Variants in MIP observed in about 807,000 individuals in gnomAD.
MIP encodes lens fiber major intrinsic protein.
MIP carries 14 observed loss-of-function variants against 21.8 expected under a neutral mutation model. That is an observed-to-expected ratio of 0.64 (90% CI 0.42 to 1.00). The LOEUF is 1.00. Among genes scored for constraint, MIP ranks in the 50% least tolerant of loss-of-function variants. The probability of loss-of-function intolerance (pLI) is 0.00; values close to 1 mark genes in which losing one functional copy is unlikely to be tolerated. For missense variants in MIP, 260 were observed against 333.5 expected (o/e 0.78, Z 1.72); for synonymous variants, 133 against 141.4 (o/e 0.94, Z 0.42).
In MIP at chr12:56,451,217, G is replaced by A; in HGVS notation, c.*63C>T. 2 of 1,442,736 alleles carry A rather than the reference G, an allele frequency of 1.4e-6. No homozygotes were observed. The highest frequency in any genetic ancestry group is 1.9e-6 in the Non-Finnish European group (2 of 1,026,614). 89.4% of individuals were successfully genotyped at this position (1,442,736 alleles called of 1,614,324 possible). On this transcript the variant is annotated 3_prime_UTR_variant, in exon 4 of 4. Transcript: ENST00000652304. ...CCCACAGTCTCTTTCTTCATCTAGG[G>A]GCTGGCTAAACCCCTCCACGTAAAC...
chr12:56,454,140 A>T (rs1039680616), intron 1 of MIP, 114 bp downstream of exon 1: 4 of 1,417,220 alleles, frequency 2.8e-6, no homozygotes, highest in Non-Finnish European at 4.0e-6. Context: ...ATGCTCACAC[A>T]TGCACATATT....
chr12:56,454,299 A>G lies in MIP; in HGVS notation c.315T>C (p.Tyr105=). The G allele has an allele frequency of 1.2e-6, 2 of 1,614,096 alleles. No homozygotes were observed. Among genetic ancestry groups the G allele is most frequent in the South Asian group, 1.1e-5 (1 of 91,086 alleles). Residue 105 remains tyrosine (Y), a synonymous_variant, in exon 1 of 4, where the codon TAT becomes TAC. Coordinates refer to ENST00000652304, the MANE Select transcript of MIP (RefSeq NM_012064.4). The part of the protein sequence containing the change: ...LGAVAGAAVL[Y]SVTPPAVRGN... The stretch of plus-strand genomic sequence containing the variant: ...CTCGGACAGCAGGTGGGGTAACGCT[A>G]TACAGCACAGCGGCCCCAGCCACAG...
chr12:56,454,174 T>C, intron 1 of MIP, 80 bp downstream of exon 1: 1 of 1,589,436 alleles, frequency 6.3e-7, no homozygotes, highest in Non-Finnish European at 8.6e-7. Context: ...GGGGAGCTGA[T>C]TCACCTGCAC....
In MIP at chr12:56,453,711, G is replaced by A. The variant is rs763205573; in HGVS notation, c.405C>T (p.Ile135=). The A allele has an allele frequency of 1.2e-6, 2 of 1,614,172 alleles. No individual in the cohort carries two copies. The highest frequency in any genetic ancestry group is 1.7e-5 in the Admixed American group (1 of 60,020). Residue 135 remains isoleucine (I), a synonymous_variant, in exon 2 of 4, where the codon ATC becomes ATT. Coordinates refer to ENST00000652304, the MANE Select transcript of MIP (RefSeq NM_012064.4). ...VSVGQATTVE[I]FLTLQFVLCI... Reference sequence around the variant, plus strand: ...AGAGCACGAACTGGAGCGTCAGGAAGATCTCCACTGTGGTTGCCTGGCCCA... The same window carrying A: ...AGAGCACGAACTGGAGCGTCAGGAAAATCTCCACTGTGGTTGCCTGGCCCA...
In MIP at chr12:56,453,095, T is replaced by A. The variant is rs1478261570; in HGVS notation, c.583A>T (p.Thr195Ser). 6 of 1,612,930 alleles carry A rather than the reference T, an allele frequency of 3.7e-6. No individual in the cohort carries two copies. The highest frequency in any genetic ancestry group is 5.1e-6 in the Non-Finnish European group (6 of 1,179,002). ...PARSFAPAIL[T>S]GNFTNHWVYW... Reference sequence around the variant, plus strand: ...ACCCAGTGGTTAGTGAAGTTCCCAGTGAGAATGGCAGGAGCAAAGGAGCGG... The same window carrying A: ...ACCCAGTGGTTAGTGAAGTTCCCAGAGAGAATGGCAGGAGCAAAGGAGCGG... The change falls in exon 3 of 4, where the codon ACT becomes TCT. Residue 195 changes from threonine to serine, a missense_variant. By Grantham distance (58) the Thr-to-Ser change is moderately conservative. Transcript: ENST00000652304.
chr12:56,453,238 C>A, intron 2 of MIP, 86 bp from the exon 3 acceptor site: 2 of 995,770 alleles, frequency 2.0e-6, no homozygotes, highest in East Asian at 4.9e-5. Flanking sequence ...CTGAGAGCTG[C>A]CATCTTTTCT....
rs1868593933 is a variant in MIP, at chr12:56,451,145, A to C, written c.*135T>G. On this transcript the variant is annotated 3_prime_UTR_variant, in exon 4 of 4. Coordinates refer to ENST00000652304, the MANE Select transcript of MIP (RefSeq NM_012064.4). ...CACAGCAAAAGGAAAAAAAAAAAAA[A>C]AACAACCACATACATAAGTTAAAAA... 10 of 725,384 alleles carry C rather than the reference A, an allele frequency of 1.4e-5. No individual in the cohort carries two copies. Among genetic ancestry groups the C allele is most frequent in the Admixed American group, 5.8e-5 (2 of 34,282 alleles). The allele number at this position is 725,384 out of a possible 1,614,324, so 44.9% of individuals were successfully genotyped here.
At position 56,454,495 on chromosome 12, in the gene MIP, T is replaced by G. The variant is rs1436119727; in HGVS notation, c.119A>C (p.His40Pro). The G allele has an allele frequency of 6.2e-7, 1 of 1,612,818 alleles. No homozygotes were observed. Among genetic ancestry groups the G allele is most frequent in the African/African-American group, 1.3e-5 (1 of 74,900 alleles). ...AAATGCCATAGCCACCTGCAGAACA[T>G]GCAGGGGTCCAGGAGCCCAGCGCAG... ...SSLRWAPGPL[H>P]VLQVAMAFGL... The change falls in exon 1 of 4, where the codon CAT (histidine) becomes CCT (proline). Residue 40 changes from histidine (H) to proline (P), a missense_variant. Transcript: ENST00000652304.
At chr12:56,453,918 A>G (rs1868709416) in intron 1 of MIP, among the ~76,000 whole-genome samples, 163 bp from the exon 2 acceptor site, 1 of 152,218 alleles carries the variant, frequency 6.6e-6, no homozygotes, top group Non-Finnish European at 1.5e-5. Context: ...CCATCTCCTA[A>G]CAGTGCTCCT....
chr12:56,454,401 G>T lies in MIP; in HGVS notation c.213C>A (p.Val71=). The T allele has an allele frequency of 1.9e-6, 3 of 1,614,130 alleles. No individual in the cohort carries two copies. Among genetic ancestry groups the T allele is most frequent in the South Asian group, 2.2e-5 (2 of 91,048 alleles). ...GGGAGCCCACAAGGAAAGCAAAAGT[G>T]ACTGCAGGATTGACGTGGGCTCCAC... The part of the protein sequence containing the change: ...HISGAHVNPA[V]TFAFLVGSQM... Residue 71 remains valine (V), a synonymous_variant, in exon 1 of 4, where the codon GTC becomes GTA. Coordinates refer to ENST00000652304, the MANE Select transcript of MIP (RefSeq NM_012064.4).
intron 3 of MIP, among the ~76,000 whole-genome samples, chr12:56,452,025 C>T (rs1413317993): frequency 6.6e-6 from 1 of 152,162 alleles, no homozygotes; most frequent in African/African-American, 2.4e-5. Flanking sequence ...GCACTCCAGC[C>T]TGGGTGACAG....
intron 3 of MIP, 140 bp from the exon 4 acceptor site, chr12:56,451,605 A>C: frequency 1.4e-6 from 1 of 692,106 alleles, no homozygotes; most frequent in Non-Finnish European, 2.5e-6. Flanking sequence ...TTTCTGATTC[A>C]TCAAATTACT....
Position 56,454,423 on chromosome 12 carries a change from C to T in MIP, c.191G>A (p.Gly64Glu). Residue 64 changes from glycine to glutamate, a missense_variant, in exon 1 of 4, where the codon GGA becomes GAA. By Grantham distance (98) the Gly-to-Glu change is moderately conservative. Coordinates refer to ENST00000652304, the MANE Select transcript of MIP (RefSeq NM_012064.4). The part of the protein sequence containing the change: ...TLVQSVGHIS[G>E]AHVNPAVTFA... ...AGTGACTGCAGGATTGACGTGGGCT[C>T]CACTGATGTGGCCCACAGACTGCAC... The T allele has an allele frequency of 6.2e-7, 1 of 1,614,162 alleles. No homozygotes were observed. The highest frequency in any genetic ancestry group is 1.7e-5 in the Admixed American group (1 of 60,030).
At position 56,454,648 on chromosome 12, in the gene MIP, C is replaced by CCTTG; in HGVS notation, c.-36_-35insCAAG. ...GATGGTCACAGTGCCTGGGTCCCTG[C>CCTTG]TACCCCCATGGCCTTGTCTGGGTGG... is the stretch of plus-strand genomic sequence containing the variant. On this transcript the variant is annotated 5_prime_UTR_variant, in exon 1 of 4. It removes the in-frame stop codon of an upstream open reading frame in the 5' UTR. Transcript: ENST00000652304. 1 of 1,612,636 alleles carries CCTTG rather than the reference C, an allele frequency of 6.2e-7. No homozygotes were observed. The highest frequency in any genetic ancestry group is 1.1e-5 in the South Asian group (1 of 90,940).
chr12:56,452,922 C>G, intron 3 of MIP, 150 bp downstream of exon 3: 1 of 712,496 alleles, frequency 1.4e-6, no homozygotes, highest in Admixed American at 2.0e-5. Flanking sequence ...CCTGCTCACA[C>G]AGGCATGCCA....
rs150017493 is a variant in MIP at position 56,454,572 on chromosome 12, G to T, written c.42C>A (p.Phe14Leu). 7 of 1,613,992 alleles carry T rather than the reference G, an allele frequency of 4.3e-6. No homozygotes were observed. Among genetic ancestry groups the T allele is most frequent in the Non-Finnish European group, 5.9e-6 (7 of 1,179,998 alleles). ...LRSASFWRAI[F>L]AEFFATLFYV... ...AGAAGAGGGTGGCAAAGAACTCAGC[G>T]AATATGGCCCTCCAAAAGGAGGCTG... Residue 14 changes from phenylalanine to leucine, a missense_variant, in exon 1 of 4, where the codon TTC becomes TTA. By Grantham distance (22) the Phe-to-Leu change is conservative. Coordinates refer to ENST00000652304, the MANE Select transcript of MIP (RefSeq NM_012064.4).
Position 56,454,462 on chromosome 12 carries a change from G to T in MIP, c.152C>A (p.Ala51Asp), listed in dbSNP as rs923527666. 1.2e-6 allele frequency: 2 copies of T among 1,613,524 alleles called. No homozygotes were observed. Among genetic ancestry groups the T allele is most frequent in the African/African-American group, 2.7e-5 (2 of 74,926 alleles). ...VLQVAMAFGL[A>D]LATLVQSVGH... ...CACAGACTGCACCAGTGTAGCCAGG[G>T]CCAAGCCAAATGCCATAGCCACCTG... Residue 51 changes from alanine (A) to aspartate (D), a missense_variant, in exon 1 of 4, where the codon GCC (alanine) becomes GAC (aspartate). Physicochemically the swap from Ala to Asp is moderately radical, Grantham distance 126 (BLOSUM62 -2). Coordinates refer to ENST00000652304, the MANE Select transcript of MIP (RefSeq NM_012064.4).
intron 3 of MIP, 55 bp downstream of exon 3, chr12:56,453,017 C>A: frequency 4.2e-6 from 5 of 1,192,568 alleles, no homozygotes; most frequent in Non-Finnish European, 6.3e-6. Flanking sequence ...CTGGAACCTG[C>A]AGTCCACAAC....
intron 2 of MIP, 52 bp downstream of exon 2, chr12:56,453,539 G>T (rs892500806): frequency 1.7e-5 from 27 of 1,609,514 alleles, no homozygotes; most frequent in Non-Finnish European, 2.3e-5. Context: ...GTTGGGAAAG[G>T]TTTAGGGGCC....
Sources: gnomAD v4.1 joint callset for allele counts (sites outside exome capture counted in the v4.1 genomes callset) on GRCh38, gnomAD v4.1.1 for gene constraint, MANE v1.5 for transcripts, NCBI Gene and HGNC (gene_info 2026-07-23, HGNC 2026-07-21) for gene names.